Variants in PEX3 observed in about 807,000 individuals in gnomAD.
PEX3 encodes peroxin-3.
Under a neutral mutation model 55.8 loss-of-function variants are expected in PEX3, and 30 were observed. The observed-to-expected ratio is 0.54, with a 90% confidence interval of 0.40 to 0.73. The LOEUF (loss-of-function observed/expected upper bound fraction) is 0.73, where lower values mean the gene tolerates loss of function less well. Among genes scored for constraint, PEX3 ranks in the 30% least tolerant of loss-of-function variants. The pLI, the probability that PEX3 is intolerant of heterozygous loss-of-function variation, is 0.00. For missense variants in PEX3, 351 were observed against 432.8 expected (o/e 0.81, Z 1.68); for synonymous variants, 135 against 148.4 (o/e 0.91, Z 0.66).
rs908614884 is a variant in PEX3, at chr6:143,485,343, G to GT, written c.1038+101dup. 4.1e-5 allele frequency: 33 copies of GT among 796,994 alleles called. No individual in the cohort carries two copies. The highest frequency in any genetic ancestry group is 3.4e-4 in the African/African-American group (20 of 59,220). 49.4% of individuals were successfully genotyped at this position (796,994 alleles called of 1,614,324 possible). A position where few individuals can be genotyped will look rare whatever the true frequency, so the allele number is the denominator to read the frequency against. On this transcript the variant is annotated intron_variant, in intron 11 of 11. Coordinates refer to ENST00000367591, the MANE Select transcript of PEX3 (RefSeq NM_003630.3). The surrounding 1 kb of genome is among the most constrained non-coding windows in gnomAD (Gnocchi z 5.6). ...ATAAAGTTACATTCTCTGCTGAGAG[G>GT]TTTTTTCAAAAAATCACAGAACTTG...
rs981192030 is a variant in PEX3 at position 143,463,197 on chromosome 6, G to T, written c.287+200G>T. Among the ~76,000 whole-genome samples the T allele has an allele frequency of 6.6e-6, 1 of 151,998 alleles. No homozygotes were observed. Among genetic ancestry groups the T allele is most frequent in the East Asian group, 1.9e-4 (1 of 5,194 alleles). On this transcript the variant is annotated intron_variant, in intron 3 of 11. Coordinates refer to ENST00000367591, the MANE Select transcript of PEX3 (RefSeq NM_003630.3). The surrounding 1 kb of genome is among the most constrained non-coding windows in gnomAD (Gnocchi z 5.7). ...TACTTTTTTGCATAAAGCATTCAAG[G>T]CAATGATATTTGTATGTATTGTTTT...
chr6:143,484,725 C>T (rs1780290279), intron 10 of PEX3, among the ~76,000 whole-genome samples: 1 of 151,986 alleles, frequency 6.6e-6, no homozygotes, highest in African/African-American at 2.4e-5. Flanking sequence ...CAAAATCTTA[C>T]TTAGATTAAG....
rs556063373 is a variant in PEX3, at chr6:143,485,456, T to C, written c.1038+208T>C. On this transcript the variant is annotated intron_variant, in intron 11 of 11. Transcript: ENST00000367591. This position sits in a 1 kb window ranked among gnomAD's most constrained non-coding sequence, Gnocchi z 5.6. ...TAAGTTTGGAGTACCTTTCTCCGTG[T>C]TGTAGTCCAACACTGTGGGACTACA... Among the ~76,000 whole-genome samples the C allele has an allele frequency of 6.6e-6, 1 of 152,192 alleles. No individual in the cohort carries two copies. Among genetic ancestry groups the C allele is most frequent in the South Asian group, 2.1e-4 (1 of 4,818 alleles).
intron 9 of PEX3, among the ~76,000 whole-genome samples, chr6:143,478,859 G>C (rs1320654146): frequency 6.6e-6 from 1 of 152,038 alleles, no homozygotes; most frequent in Non-Finnish European, 1.5e-5. Context: ...GTGCTGACTA[G>C]TATAAAAAAT....
chr6:143,478,175 C>G (rs564823562), intron 9 of PEX3, among the ~76,000 whole-genome samples: 4 of 152,134 alleles, frequency 2.6e-5, no homozygotes, highest in African/African-American at 7.2e-5. Flanking sequence ...CACAAAAGAC[C>G]ACATATGTAT....
Position 143,471,390 on chromosome 6 carries a change from T to C in PEX3, c.464T>C (p.Leu155Pro). The stretch of plus-strand genomic sequence containing the variant: ...TATTTCTGTTTTATACAGACAATTC[T>C]TGCTCCCCCAGATGTCCAACAGCAG... ...AAVGKNGTTI[L>P]APPDVQQQYL... is the part of the protein sequence containing the mutation. Residue 155 changes from leucine (L) to proline (P), a missense_variant, in exon 6 of 12, where the codon CTT becomes CCT. By Grantham distance (98) the Leu-to-Pro change is moderately conservative. Transcript: ENST00000367591. The surrounding 1 kb of genome is among the most constrained non-coding windows in gnomAD (Gnocchi z 5.4). 6.2e-7 allele frequency: 1 copy of C among 1,602,510 alleles called. No individual in the cohort carries two copies. Among genetic ancestry groups the C allele is most frequent in the Non-Finnish European group, 8.5e-7 (1 of 1,169,846 alleles).
chr6:143,461,841 G>A (rs1462701477), intron 2 of PEX3, among the ~76,000 whole-genome samples: 2 of 152,118 alleles, frequency 1.3e-5, no homozygotes, highest in Non-Finnish European at 2.9e-5. Flanking sequence ...CTAACTACTC[G>A]GGAATCTGAG....
rs151086717 is a variant in PEX3 at position 143,480,877 on chromosome 6, C to T, written c.941+1679C>T. On this transcript the variant is annotated intron_variant, in intron 10 of 11. Transcript: ENST00000367591. The stretch of plus-strand genomic sequence containing the variant: ...CAAATACAAAAATTAGCTGGGCATG[C>T]GGCACATGCCTGTAGTCCCAGCTAA... Among the ~76,000 whole-genome samples the T allele has an allele frequency of 6.9e-3, 1,046 of 152,022 alleles. 14 individuals are homozygous for T. Among genetic ancestry groups the T allele is most frequent in the African/African-American group, 0.024 (1,006 of 41,476 alleles).
rs1780333077 is a variant in PEX3, at chr6:143,487,188, C to G, written c.1038+1940C>G. ...AAGGAAAGAGCTTTTATAGTGTGAA[C>G]CAACCCTATGATACATAATTTTTAT... On this transcript the variant is annotated intron_variant, in intron 11 of 11. Transcript: ENST00000367591. This position sits in a 1 kb window ranked among gnomAD's most constrained non-coding sequence, Gnocchi z 5.3. Among the ~76,000 whole-genome samples, 1 of 152,116 alleles carries G rather than the reference C, an allele frequency of 6.6e-6. No individual in the cohort carries two copies. Among genetic ancestry groups the G allele is most frequent in the Non-Finnish European group, 1.5e-5 (1 of 68,006 alleles).
rs184095778 is a variant in PEX3 at position 143,483,898 on chromosome 6, C to T, written c.942-1254C>T. On this transcript the variant is annotated intron_variant, in intron 10 of 11. Coordinates refer to ENST00000367591, the MANE Select transcript of PEX3 (RefSeq NM_003630.3). The surrounding 1 kb of genome is among the most constrained non-coding windows in gnomAD (Gnocchi z 4.3). ...TGATAGTGAGGGGAGACAGAGCAAT[C>T]AAGTAATCAAAATCATGATAGATTT... Among the ~76,000 whole-genome samples, 3 of 151,608 alleles carry T rather than the reference C, an allele frequency of 2.0e-5. No homozygotes were observed. The East Asian group carries it at 5.8e-4, about 29-fold the overall frequency.
Position 143,475,385 on chromosome 6 carries a change from C to A in PEX3, c.818+529C>A, listed in dbSNP as rs1054819078. Among the ~76,000 whole-genome samples the A allele has an allele frequency of 3.3e-5, 5 of 152,240 alleles. No individual in the cohort carries two copies. In the East Asian group the frequency reaches 9.6e-4, roughly 29 times the overall value. ...CAGTGTTTCCAACCTGGTGCAGCAG[C>A]TCATGCTTGTAATCCCAGCACTTTG... is the stretch of plus-strand genomic sequence containing the variant. On this transcript the variant is annotated intron_variant, in intron 9 of 11. Transcript: ENST00000367591. This position sits in a 1 kb window ranked among gnomAD's most constrained non-coding sequence, Gnocchi z 4.4.
chr6:143,459,277 A>G lies in PEX3; in HGVS notation c.205+61A>G. 7.2e-7 allele frequency: 1 copy of G among 1,397,984 alleles called. No individual in the cohort carries two copies. Among genetic ancestry groups the G allele is most frequent in the African/African-American group, 1.4e-5 (1 of 70,804 alleles). 86.6% of individuals were successfully genotyped at this position (1,397,984 alleles called of 1,614,324 possible). A position where few individuals can be genotyped will look rare whatever the true frequency, so the allele number is the denominator to read the frequency against. On this transcript the variant is annotated intron_variant, in intron 2 of 11. Coordinates refer to ENST00000367591, the MANE Select transcript of PEX3 (RefSeq NM_003630.3). This position sits in a 1 kb window ranked among gnomAD's most constrained non-coding sequence, Gnocchi z 4.2. ...GTTTGACGGTTGTATTAATTTGCAT[A>G]TCACCGGGATCAAATTTAGAGGAAA...
At chr6:143,468,814 C>CCCA (rs1554281458) in intron 4 of PEX3, among the ~76,000 whole-genome samples, 1 of 128,876 alleles carries the variant, frequency 7.8e-6, no homozygotes, top group African/African-American at 2.7e-5. Context: ...CCCCCCCCCC[C>CCCA]ACCCCACGAC....
chr6:143,471,366 A>G lies in PEX3; in HGVS notation c.457-17A>G, dbSNP rs371647828. 20 of 1,563,686 alleles carry G rather than the reference A, an allele frequency of 1.3e-5. No homozygotes were observed. The African/African-American group carries it at 2.0e-4, about 16-fold the overall frequency. On this transcript the variant is annotated splice_polypyrimidine_tract_variant and intron_variant, in intron 5 of 11. Transcript: ENST00000367591. This position sits in a 1 kb window ranked among gnomAD's most constrained non-coding sequence, Gnocchi z 5.4. ...TTTAAAACTTGGATAATTGAACTGT[A>G]TTTCTGTTTTATACAGACAATTCTT...
In PEX3 at chr6:143,453,809, C is replaced by G. The variant is rs1484841340; in HGVS notation, c.73+2694C>G. On this transcript the variant is annotated intron_variant, in intron 1 of 11. Coordinates refer to ENST00000367591, the MANE Select transcript of PEX3 (RefSeq NM_003630.3). The surrounding 1 kb of genome is among the most constrained non-coding windows in gnomAD (Gnocchi z 4.6). Reference sequence around the variant, plus strand: ...CTCAGACTGGTCTTGAACTCCTGGCCTCAAGCAATCGTCCTGCCTCAGCCT... The same window carrying G: ...CTCAGACTGGTCTTGAACTCCTGGCGTCAAGCAATCGTCCTGCCTCAGCCT... Among the ~76,000 whole-genome samples the G allele has an allele frequency of 1.3e-5, 2 of 152,074 alleles. No homozygotes were observed. The highest frequency in any genetic ancestry group is 2.9e-5 in the Non-Finnish European group (2 of 68,012).
Position 143,454,326 on chromosome 6 carries a change from G to T in PEX3, c.73+3211G>T, listed in dbSNP as rs781273652. Among the ~76,000 whole-genome samples, 1 of 152,176 alleles carries T rather than the reference G, an allele frequency of 6.6e-6. No individual in the cohort carries two copies. The highest frequency in any genetic ancestry group is 2.4e-5 in the African/African-American group (1 of 41,444). On this transcript the variant is annotated intron_variant, in intron 1 of 11. Transcript: ENST00000367591. The surrounding 1 kb of genome is among the most constrained non-coding windows in gnomAD (Gnocchi z 4.3). ...TTTGATTTTATAGACTCCCTGAAAT[G>T]GTCTTAAAGACCCCAGGGGTGCCCA...
chr6:143,483,535 T>A lies in PEX3; in HGVS notation c.942-1617T>A, dbSNP rs1400844045. ...AAGACTTATAAAGAGGCTGGCATGG[T>A]AGCTGAATACATAGAACAAGAGTGG... is the stretch of plus-strand genomic sequence containing the variant. On this transcript the variant is annotated intron_variant, in intron 10 of 11. Transcript: ENST00000367591. The surrounding 1 kb of genome is among the most constrained non-coding windows in gnomAD (Gnocchi z 4.3). Among the ~76,000 whole-genome samples the A allele has an allele frequency of 6.6e-6, 1 of 152,160 alleles. No homozygotes were observed. Among genetic ancestry groups the A allele is most frequent in the Non-Finnish European group, 1.5e-5 (1 of 68,028 alleles).
At chr6:143,469,563 A>G (rs1361016677) in intron 4 of PEX3, among the ~76,000 whole-genome samples, 4 of 152,150 alleles carry the variant, frequency 2.6e-5, no homozygotes, top group Non-Finnish European at 5.9e-5. Flanking sequence ...TTCTTTGTAG[A>G]TTCTGGATGA....
intron 9 of PEX3, among the ~76,000 whole-genome samples, chr6:143,478,753 T>G (rs1780187617): frequency 6.6e-6 from 1 of 152,088 alleles, no homozygotes; most frequent in Admixed American, 6.5e-5. Flanking sequence ...CTAGAGGATG[T>G]AAAGCCAACT....
Sources: allele counts gnomAD v4.1 joint callset (sites outside exome capture counted in the v4.1 genomes callset), GRCh38; gene constraint gnomAD v4.1.1; non-coding constraint Gnocchi (gnomAD v3.1); transcripts MANE v1.5; gene names NCBI Gene and HGNC (gene_info 2026-07-23, HGNC 2026-07-21).